PSG2: variants seen among roughly 807,000 people sequenced by gnomAD.
The protein encoded by PSG2 is pregnancy specific beta-1-glycoprotein 2.
A neutral mutation model predicts 36.2 loss-of-function variants in PSG2; 49 were observed. That is an observed-to-expected ratio of 1.35 (90% CI 1.08 to 1.72). PSG2 has a LOEUF of 1.72. PSG2 is among the 40% of genes most tolerant of loss of function. The pLI, the probability that PSG2 is intolerant of heterozygous loss-of-function variation, is 0.00. For missense variants in PSG2, 605 were observed against 407.2 expected (o/e 1.49, Z -4.18); for synonymous variants, 261 against 155.6 (o/e 1.68, Z -5.04).
At chr19:43,082,139 T>C (rs1318960761) in intron 1 of PSG2, 5 of 119,290 alleles carry the variant, frequency 4.2e-5, no homozygotes, top group Non-Finnish European at 6.8e-5. Context: ...TTTTTTTTTT[T>C]TTTTTTTTTT....
At chr19:43,066,396 C>G in intron 5 of PSG2, 121 bp downstream of exon 5, 1 of 757,558 alleles carries the variant, frequency 1.3e-6, no homozygotes, top group Non-Finnish European at 2.4e-6. Context: ...TGCTGAGAAG[C>G]AGGAGTTTAG....
Position 43,075,469 on chromosome 19 carries a change from G to A in PSG2, c.594C>T (p.Thr198=). Residue 198 remains threonine (T), a synonymous_variant, in exon 3 of 6, where the codon ACC becomes ACT. Coordinates refer to ENST00000406487, the MANE Select transcript of PSG2 (RefSeq NM_031246.4). ...CACCAAATAGAAAGAGGGTCCTGTT[G>A]GTTTCGGACAGCTGAAACCTATGAG... ...PMTHRFQLSE[T]NRTLFLFGVT... 6.2e-7 allele frequency: 1 copy of A among 1,613,166 alleles called. No individual in the cohort carries two copies.
At chr19:43,072,027 C>A in intron 3 of PSG2, 73 bp from the exon 4 acceptor site, 1 of 1,552,012 alleles carries the variant, frequency 6.4e-7, no homozygotes, top group Non-Finnish European at 8.8e-7. Context: ...CTTAAAGGGA[C>A]ACAGTGACCC....
In PSG2 at chr19:43,082,532, A is replaced by C; in HGVS notation, c.38T>G (p.Ile13Ser). The change falls in exon 1 of 6, where the codon ATC (isoleucine) becomes AGC (serine). Residue 13 changes from isoleucine to serine, a missense_variant. Transcript: ENST00000406487. The stretch of plus-strand genomic sequence containing the variant: ...TGTGACCAGGAGCCCCTTCCATTTG[A>C]TGTGCTCTGTGCAGGGAGGGGCTGA... ...PLSAPPCTEHIKWKGLLVTAS... is the reference protein window; with the variant it reads ...PLSAPPCTEHSKWKGLLVTAS... 1 of 1,611,740 alleles carries C rather than the reference A, an allele frequency of 6.2e-7. No homozygotes were observed. Among genetic ancestry groups the C allele is most frequent in the Non-Finnish European group, 8.5e-7 (1 of 1,179,056 alleles).
At chr19:43,068,709 A>C (rs1967776240) in intron 4 of PSG2, among the ~76,000 whole-genome samples, 2 of 151,762 alleles carry the variant, frequency 1.3e-5, no homozygotes, top group African/African-American at 4.9e-5. Context: ...TAAGAATGGA[A>C]GGAAACCACT....
At position 43,079,381 on chromosome 19, in the gene PSG2, G is replaced by A. The variant is rs908883387; in HGVS notation, c.430+1500C>T. 9.2e-5 allele frequency among the ~76,000 whole-genome samples: 14 copies of A among 151,470 alleles called. 1 individual carries two copies. Among genetic ancestry groups the A allele is most frequent in the East Asian group, 3.9e-4 (2 of 5,174 alleles). ...GAGGTAGTGGGGGGATGAAACATGG[G>A]TGTCAGCTTCTGAAGGACAAGGGAC... is the stretch of plus-strand genomic sequence containing the variant. On this transcript the variant is annotated intron_variant, in intron 2 of 5. Transcript: ENST00000406487.
rs376432612 is a variant in PSG2, at chr19:43,075,474, C to T, written c.589G>A (p.Glu197Lys). The T allele has an allele frequency of 6.0e-5, 96 of 1,613,142 alleles. No individual in the cohort carries two copies. Among genetic ancestry groups the T allele is most frequent in the Middle Eastern group, 1.7e-4 (1 of 6,056 alleles). ...AATAGAAAGAGGGTCCTGTTGGTTTCGGACAGCTGAAACCTATGAGTCATA... is the reference window on the plus strand; with the variant it reads ...AATAGAAAGAGGGTCCTGTTGGTTTTGGACAGCTGAAACCTATGAGTCATA... ...LPMTHRFQLS[E>K]TNRTLFLFGV... The change falls in exon 3 of 6, where the codon GAA becomes AAA. Residue 197 changes from glutamate to lysine, a missense_variant. Coordinates refer to ENST00000406487, the MANE Select transcript of PSG2 (RefSeq NM_031246.4).
In PSG2 at chr19:43,064,564, A is replaced by G. The variant is rs1395804932; in HGVS notation, c.*78T>C. On this transcript the variant is annotated 3_prime_UTR_variant, in exon 6 of 6. Coordinates refer to ENST00000406487, the MANE Select transcript of PSG2 (RefSeq NM_031246.4). ...GATCTTGAAGTTATCAGGAGCTTGT[A>G]TTCAAGAGTCCTTGTAAGAGACCTT... 2.9e-6 allele frequency: 2 copies of G among 679,418 alleles called. No homozygotes were observed. The highest frequency in any genetic ancestry group is 5.5e-6 in the Non-Finnish European group (2 of 363,128). 42.1% of individuals were successfully genotyped at this position (679,418 alleles called of 1,614,324 possible).
Position 43,081,193 on chromosome 19 carries a change from C to G in PSG2, c.118G>C (p.Ala40Pro), listed in dbSNP as rs1020191581. 1.1e-5 allele frequency: 18 copies of G among 1,612,668 alleles called. No individual in the cohort carries two copies. The Middle Eastern group carries it at 5.0e-4, about 44-fold the overall frequency. ...LPTTAQVTIE[A>P]QPPKVSEGKD... ...CCCTCGGAAACTTTTGGTGGCTGGG[C>G]TTCAATCGTGACTTGGGCAGTGGTG... Residue 40 changes from alanine to proline, a missense_variant, in exon 2 of 6, where the codon GCC becomes CCC. Ala to Pro is a conservative substitution (Grantham distance 27). Transcript: ENST00000406487.
In PSG2 at chr19:43,072,375, C is replaced by A. The variant is rs1279971391; in HGVS notation, c.710-421G>T. Reference sequence around the variant, plus strand: ...CAGAGGACATTCAGGGTGACTGGGTCACTGTGGATGCCACCATATCGGTCC... The same window carrying A: ...CAGAGGACATTCAGGGTGACTGGGTAACTGTGGATGCCACCATATCGGTCC... On this transcript the variant is annotated intron_variant, in intron 3 of 5. Coordinates refer to ENST00000406487, the MANE Select transcript of PSG2 (RefSeq NM_031246.4). 1.4e-5 allele frequency: 22 copies of A among 1,612,574 alleles called. 1 individual carries two copies. Among genetic ancestry groups the A allele is most frequent in the Non-Finnish European group, 1.6e-5 (19 of 1,179,628 alleles).
chr19:43,075,199 A>C (rs568107300), intron 3 of PSG2, among the ~76,000 whole-genome samples, 155 bp downstream of exon 3: 1 of 151,728 alleles, frequency 6.6e-6, no homozygotes, highest in Non-Finnish European at 1.5e-5. Flanking sequence ...GCCTAGGCCT[A>C]TTCTGGTTTG....
Position 43,075,393 on chromosome 19 carries a change from T to C in PSG2, c.670A>G (p.Ser224Gly). ...PYECEIRNSG[S>G]ASRSDPVTLN... ...GTGACTGGGTCACTGCGGCTGGCAC[T>C]CCCTGAGTTCCGTATTTCACATTCA... is the stretch of plus-strand genomic sequence containing the variant. The change falls in exon 3 of 6, where the codon AGT (serine) becomes GGT (glycine). Residue 224 changes from serine to glycine, a missense_variant. Coordinates refer to ENST00000406487, the MANE Select transcript of PSG2 (RefSeq NM_031246.4). 6.2e-7 allele frequency: 1 copy of C among 1,613,134 alleles called. No individual in the cohort carries two copies. The highest frequency in any genetic ancestry group is 1.1e-5 in the South Asian group (1 of 91,044).
chr19:43,069,940 G>C (rs1169123109), intron 4 of PSG2, among the ~76,000 whole-genome samples: 1 of 151,726 alleles, frequency 6.6e-6, no homozygotes, highest in Non-Finnish European at 1.5e-5. Flanking sequence ...TTATATGTGT[G>C]ATAAGAAATT....
chr19:43,064,984 A>C (rs1967720584), intron 5 of PSG2, among the ~76,000 whole-genome samples: 1 of 151,638 alleles, frequency 6.6e-6, no homozygotes. Flanking sequence ...GGTGCCTGCC[A>C]CCACACCCGG....
At chr19:43,074,475 T>C (rs748406966) in intron 3 of PSG2, among the ~76,000 whole-genome samples, 30 of 151,800 alleles carry the variant, frequency 2.0e-4, no homozygotes, top group Non-Finnish European at 4.1e-4. Flanking sequence ...TTGAATTTCT[T>C]TCCTTAATTT....
intron 5 of PSG2, among the ~76,000 whole-genome samples, chr19:43,065,152 T>C (rs1470405531): frequency 6.6e-6 from 1 of 151,748 alleles, no homozygotes; most frequent in Non-Finnish European, 1.5e-5. Context: ...CTCATATTAT[T>C]AACATTCCCA....
At chr19:43,064,658 C>G (rs1385582348) in intron 5 of PSG2, 57 bp from the exon 6 acceptor site, 6 of 560,850 alleles carry the variant, frequency 1.1e-5, no homozygotes, top group Non-Finnish European at 2.0e-5. Flanking sequence ...GAGGAAGAAT[C>G]AAAGCAACTG....
Position 43,075,626 on chromosome 19 carries a change from G to A in PSG2, c.437C>T (p.Thr146Ile), listed in dbSNP as rs1232538015. The A allele has an allele frequency of 6.2e-7, 1 of 1,612,136 alleles. No individual in the cohort carries two copies. The highest frequency in any genetic ancestry group is 8.5e-7 in the Non-Finnish European group (1 of 1,179,252). ...GCTGCTGGAGATGGAGGGCTTGGGA[G>A]TCTCCACTGTGCAGAAAACAGAGAG... is the stretch of plus-strand genomic sequence containing the variant. ...GYFTFTLYLE[T>I]PKPSISSSNL... The change falls in exon 3 of 6, where the codon ACT becomes ATT. Residue 146 changes from threonine (T) to isoleucine (I), a missense_variant. Physicochemically the swap from Thr to Ile is moderately conservative, Grantham distance 89. Coordinates refer to ENST00000406487, the MANE Select transcript of PSG2 (RefSeq NM_031246.4).
chr19:43,068,466 A>AAAAAAAAG (rs1335710405), intron 4 of PSG2, among the ~76,000 whole-genome samples: 1 of 147,126 alleles, frequency 6.8e-6, no homozygotes, highest in Non-Finnish European at 1.5e-5. Context: ...AAAAAAAAAA[A>AAAAAAAAG]AAAGAAAGAA....
Sources: gnomAD v4.1 joint callset for allele counts (sites outside exome capture counted in the v4.1 genomes callset) on GRCh38, gnomAD v4.1.1 for gene constraint, MANE v1.5 for transcripts, NCBI Gene and HGNC (gene_info 2026-07-23, HGNC 2026-07-21) for gene names.